EML6: variants seen among roughly 807,000 people sequenced by gnomAD.
EML6 encodes EMAP like 6.
In EML6, 154 loss-of-function variants were observed where a neutral mutation model predicts 240.1. The ratio of observed to expected loss-of-function variants is 0.64; its 90% CI spans 0.56 to 0.73. The LOEUF is 0.73. EML6 is among the 30% of genes least tolerant of loss of function. The pLI, the probability that EML6 is intolerant of heterozygous loss-of-function variation, is 0.00. For synonymous variants in EML6, 1,148 were observed against 899.0 expected (o/e 1.28, Z -4.95); for missense variants, 2,964 against 2,474.6 (o/e 1.20, Z -4.20).
chr2:54,940,268 T>C (rs1022798323), intron 28 of EML6, among the ~76,000 whole-genome samples: 3 of 152,218 alleles, frequency 2.0e-5, no homozygotes, highest in African/African-American at 7.2e-5. Flanking sequence ...CTGAGTTGAT[T>C]TGAATGGGTT....
chr2:54,839,991 A>G (rs750177938), intron 7 of EML6, among the ~76,000 whole-genome samples: 1 of 152,256 alleles, frequency 6.6e-6, no homozygotes, highest in African/African-American at 2.4e-5. Flanking sequence ...TCCCCCAAAT[A>G]AGGTTAAAAA....
chr2:54,804,057 T>C (rs889639955), intron 2 of EML6, among the ~76,000 whole-genome samples: 3 of 152,206 alleles, frequency 2.0e-5, no homozygotes, highest in Admixed American at 2.0e-4. Context: ...CTTGATAGTA[T>C]AAACTAGCAA....
At chr2:54,911,071 G>T in intron 25 of EML6, 29 bp downstream of exon 25, 3 of 1,190,024 alleles carry the variant, frequency 2.5e-6, no homozygotes, top group Non-Finnish European at 3.6e-6. Context: ...GATTTTTAAA[G>T]ATATTTTGTG....
chr2:54,855,683 C>A (rs60151178), intron 11 of EML6, among the ~76,000 whole-genome samples: 5,939 of 152,192 alleles, frequency 0.039, 405 homozygotes, highest in African/African-American at 0.13. Context: ...CCCACCTCAG[C>A]AACCCACAGA....
At position 54,928,609 on chromosome 2, in the gene EML6, C is replaced by G. The variant is rs1236801867; in HGVS notation, c.3878-16C>G. 4 of 1,552,052 alleles carry G rather than the reference C, an allele frequency of 2.6e-6. No homozygotes were observed. The highest frequency in any genetic ancestry group is 3.5e-6 in the Non-Finnish European group (4 of 1,147,104). On this transcript the variant is annotated splice_polypyrimidine_tract_variant and intron_variant, in intron 27 of 41. Coordinates refer to ENST00000356458, the MANE Select transcript of EML6 (RefSeq NM_001039753.4). ...TGCAAACCAACTGGCTCCCCAATCT[C>G]TTTCTGTTGTTTGAGGCTATGACAG...
intron 2 of EML6, among the ~76,000 whole-genome samples, chr2:54,762,990 A>T (rs1572868651): frequency 1.3e-5 from 2 of 152,208 alleles, no homozygotes; most frequent in African/African-American, 4.8e-5. Flanking sequence ...TCTTAAGTTT[A>T]TACTGGTAAC....
intron 38 of EML6, 46 bp from the exon 39 acceptor site, chr2:54,966,954 G>A (rs1676775645): frequency 1.0e-5 from 13 of 1,281,480 alleles, no homozygotes; most frequent in Non-Finnish European, 1.4e-5. Context: ...GAGTCTGTGG[G>A]ACTGAGAAAG....
Position 54,928,437 on chromosome 2 carries a change from C to G in EML6, c.3800C>G (p.Thr1267Ser). The G allele has an allele frequency of 6.4e-7, 1 of 1,550,856 alleles. No individual in the cohort carries two copies. Among genetic ancestry groups the G allele is most frequent in the Non-Finnish European group, 8.7e-7 (1 of 1,146,552 alleles). Residue 1267 changes from threonine to serine, a missense_variant, in exon 27 of 42, where the codon ACC becomes AGC. Thr to Ser is a moderately conservative substitution (Grantham distance 58, BLOSUM62 1). Coordinates refer to ENST00000356458, the MANE Select transcript of EML6 (RefSeq NM_001039753.4). The part of the protein sequence containing the change: ...GGADTALMIW[T>S]REFVGTQESK... The stretch of plus-strand genomic sequence containing the variant: ...GCCGACACAGCCCTGATGATCTGGA[C>G]CAGGGAGTTTGTGGGGACCCAGGAG...
chr2:54,912,095 T>A (rs1026676938), intron 25 of EML6, among the ~76,000 whole-genome samples: 2 of 152,252 alleles, frequency 1.3e-5, no homozygotes, highest in Non-Finnish European at 2.9e-5. Context: ...TGTCCCAGTA[T>A]TGTAAGGTTC....
intron 2 of EML6, among the ~76,000 whole-genome samples, chr2:54,791,556 ATTC>A (rs1558551392): frequency 1.3e-5 from 2 of 152,186 alleles, no homozygotes; most frequent in African/African-American, 4.8e-5. Context: ...CAGTCAGTGG[ATTC>A]TATAATTAGA....
At chr2:54,821,949 T>C (rs1003535870) in intron 5 of EML6, among the ~76,000 whole-genome samples, 16 of 152,162 alleles carry the variant, frequency 1.1e-4, no homozygotes, top group African/African-American at 3.9e-4. Flanking sequence ...GGAATAATAC[T>C]GATGCAACTG....
chr2:54,810,792 C>T (rs1667802903), intron 2 of EML6, among the ~76,000 whole-genome samples: 1 of 152,130 alleles, frequency 6.6e-6, no homozygotes, highest in Non-Finnish European at 1.5e-5. Context: ...ACAGCCCCTG[C>T]CCTCACGGAG....
chr2:54,810,779 A>T (rs1323405319), intron 2 of EML6, among the ~76,000 whole-genome samples: 1 of 152,144 alleles, frequency 6.6e-6, no homozygotes, highest in Non-Finnish European at 1.5e-5. Flanking sequence ...AGAGTGATGG[A>T]AGACAGCCCC....
At chr2:54,783,078 T>C (rs953240402) in intron 2 of EML6, among the ~76,000 whole-genome samples, 2 of 152,212 alleles carry the variant, frequency 1.3e-5, no homozygotes, top group African/African-American at 4.8e-5. Context: ...TTAATATAGG[T>C]ATGTATGCGT....
At chr2:54,801,858 A>T (rs948220997) in intron 2 of EML6, among the ~76,000 whole-genome samples, 2 of 152,220 alleles carry the variant, frequency 1.3e-5, no homozygotes, top group African/African-American at 4.8e-5. Flanking sequence ...CACTTTTAAA[A>T]ACTGGATTTT....
intron 2 of EML6, among the ~76,000 whole-genome samples, chr2:54,754,603 A>G (rs1684320707): frequency 2.0e-5 from 3 of 152,124 alleles, no homozygotes; most frequent in Non-Finnish European, 4.4e-5. Context: ...TCAATTCTAT[A>G]TTTCAAATAT....
chr2:54,842,538 G>T (rs1385045081), intron 7 of EML6, among the ~76,000 whole-genome samples: 1 of 152,198 alleles, frequency 6.6e-6, no homozygotes, highest in Admixed American at 6.5e-5. Flanking sequence ...TAGAGCAGGA[G>T]TAGAGGCCAA....
chr2:54,893,383 A>C (rs13383645), intron 19 of EML6, among the ~76,000 whole-genome samples: 1 of 151,952 alleles, frequency 6.6e-6, no homozygotes, highest in African/African-American at 2.4e-5. Flanking sequence ...GTGTTACCCA[A>C]TGGCTGAAGG....
chr2:54,909,935 A>G (rs1459056076), intron 24 of EML6, among the ~76,000 whole-genome samples: 1 of 152,074 alleles, frequency 6.6e-6, no homozygotes, highest in Admixed American at 6.6e-5. Context: ...AACACGATCT[A>G]AACCAAAAAG....
Sources: allele counts gnomAD v4.1 joint callset (sites outside exome capture counted in the v4.1 genomes callset), GRCh38; gene constraint gnomAD v4.1.1; transcripts MANE v1.5; gene names NCBI Gene and HGNC (gene_info 2026-07-23, HGNC 2026-07-21).